SAMD4B: variants seen among roughly 807,000 people sequenced by gnomAD.
SAMD4B encodes the protein sterile alpha motif domain containing 4B.
A neutral mutation model predicts 74.5 loss-of-function variants in SAMD4B; 5 were observed. The ratio of observed to expected loss-of-function variants is 0.07; its 90% CI spans 0.04 to 0.14. The LOEUF is 0.14. SAMD4B is among the 10% of genes least tolerant of loss of function. The pLI, the probability that SAMD4B is intolerant of heterozygous loss-of-function variation, is 1.00. For synonymous variants in SAMD4B, 373 were observed against 374.9 expected (o/e 1.00, Z 0.06); for missense variants, 608 against 921.8 (o/e 0.66, Z 4.41).
chr19:39,378,858 C>G lies in SAMD4B; in HGVS notation c.1530+269C>G, dbSNP rs974785041. ...GGTGGAGCTTGTGGTGAGCCAAGATCGCGCCACTGCACTCCAGCCTGGACG... is the reference window on the plus strand; with the variant it reads ...GGTGGAGCTTGTGGTGAGCCAAGATGGCGCCACTGCACTCCAGCCTGGACG... On this transcript the variant is annotated intron_variant, in intron 9 of 13. Transcript: ENST00000610417. This position sits in a 1 kb window ranked among gnomAD's most constrained non-coding sequence, Gnocchi z 4.4. 1.3e-5 allele frequency among the ~76,000 whole-genome samples: 2 copies of G among 152,198 alleles called. No homozygotes were observed. The highest frequency in any genetic ancestry group is 4.8e-5 in the African/African-American group (2 of 41,452).
At chr19:39,388,027 G>A (rs980539485), downstream of SAMD4B, among the ~76,000 whole-genome samples, 1 of 152,194 alleles carries the variant, frequency 6.6e-6, no homozygotes, top group Non-Finnish European at 1.5e-5. Flanking sequence ...TGTGATGCCA[G>A]CTACTCAGGA....
chr19:39,388,976 C>G (rs2078313536), downstream of SAMD4B: 1 of 1,614,030 alleles, frequency 6.2e-7, no homozygotes, highest in Admixed American at 1.7e-5. Flanking sequence ...GGCATGACCT[C>G]CACCGGTGTG....
rs2077159819 is a variant in SAMD4B, at chr19:39,369,417, C to T, written c.197-238C>T. The T allele has an allele frequency of 7.5e-6, 4 of 535,982 alleles. 1 individual carries two copies. Among genetic ancestry groups the T allele is most frequent in the Non-Finnish European group, 1.3e-5 (4 of 299,048 alleles). 33.2% of individuals were successfully genotyped at this position (535,982 alleles called of 1,614,324 possible). A position where few individuals can be genotyped will look rare whatever the true frequency, so the allele number is the denominator to read the frequency against. ...GCACTTGTGAATAGCCACTGCACTG[C>T]AGCCTGGGCAACATAGTGAGACCCC... On this transcript the variant is annotated intron_variant, in intron 3 of 13. Transcript: ENST00000610417.
chr19:39,350,279 T>C (rs2075958531), intron 1 of SAMD4B: 1 of 151,912 alleles, frequency 6.6e-6, no homozygotes, highest in South Asian at 2.1e-4. Context: ...AGAAACAGAG[T>C]TACTTGTCAT....
In SAMD4B at chr19:39,369,821, G is replaced by A; in HGVS notation, c.363G>A (p.Glu121=). The A allele has an allele frequency of 6.2e-7, 1 of 1,614,264 alleles. No individual in the cohort carries two copies. The highest frequency in any genetic ancestry group is 8.5e-7 in the Non-Finnish European group (1 of 1,180,044). Residue 121 remains glutamate, a synonymous_variant, in exon 4 of 14, where the codon GAG becomes GAA. Transcript: ENST00000610417. ...YSIESNAFIE[E]SRQLLSYALI... The stretch of plus-strand genomic sequence containing the variant: ...TCGAGAGCAATGCTTTCATCGAGGA[G>A]AGTCGCCAGCTGCTTTCCTATGCCC...
chr19:39,373,119 C>G (rs2077403406), intron 4 of SAMD4B, among the ~76,000 whole-genome samples: 1 of 152,166 alleles, frequency 6.6e-6, no homozygotes, highest in Admixed American at 6.5e-5. Context: ...GGCAGGAACC[C>G]CAGCCTTTCC....
intron 1 of SAMD4B, chr19:39,352,441 A>C (rs1364511200): frequency 1.3e-5 from 2 of 149,220 alleles, no homozygotes; most frequent in African/African-American, 4.9e-5. Flanking sequence ...ATTTGAAAAT[A>C]GGGGGGGATT....
rs2077735745 is a variant in SAMD4B, at chr19:39,378,449, C to T, written c.1445-55C>T. The T allele has an allele frequency of 6.6e-7, 1 of 1,523,148 alleles. No homozygotes were observed. The highest frequency in any genetic ancestry group is 1.4e-5 in the African/African-American group (1 of 73,040). The allele number at this position is 1,523,148 out of a possible 1,614,324, so 94.4% of individuals were successfully genotyped here. A position where few individuals can be genotyped will look rare whatever the true frequency, so the allele number is the denominator to read the frequency against. ...TGCACGAGCCAGCTGGAGGCTGGAA[C>T]ATGGCAGAGGGCATACTAGGGGTTA... On this transcript the variant is annotated intron_variant, in intron 8 of 13. Transcript: ENST00000610417. This position sits in a 1 kb window ranked among gnomAD's most constrained non-coding sequence, Gnocchi z 4.4.
chr19:39,380,444 C>A (rs1307354065), intron 10 of SAMD4B, 143 bp from the exon 11 acceptor site: 3 of 852,732 alleles, frequency 3.5e-6, no homozygotes, highest in Non-Finnish European at 3.8e-6. Flanking sequence ...CCAGGGGGTA[C>A]CCTTGGGGCA....
chr19:39,389,221 T>G (rs1299500734), downstream of SAMD4B: 1 of 1,610,762 alleles, frequency 6.2e-7, no homozygotes, highest in Non-Finnish European at 8.5e-7. The surrounding 1 kb of genome is among the most constrained non-coding windows in gnomAD (Gnocchi z 5.3). Context: ...AAAAAGGTCC[T>G]TAGGGGCCAC....
intron 1 of SAMD4B, among the ~76,000 whole-genome samples, chr19:39,349,418 G>A (rs2075892482): frequency 1.3e-5 from 2 of 152,120 alleles, no homozygotes; most frequent in South Asian, 4.1e-4. Flanking sequence ...GTTTACCGGA[G>A]CTCCCCATAC....
At chr19:39,379,721 C>T (rs1212433753) in intron 9 of SAMD4B, among the ~76,000 whole-genome samples, 1 of 152,186 alleles carries the variant, frequency 6.6e-6, no homozygotes, top group Admixed American at 6.5e-5. Flanking sequence ...CAGACACACA[C>T]TACCATGCCT....
intron 1 of SAMD4B, chr19:39,348,156 C>T (rs1325314918): frequency 6.6e-6 from 1 of 152,160 alleles, no homozygotes; most frequent in African/African-American, 2.4e-5. Context: ...GAAAAAGGAC[C>T]TCTGCAAGGT....
chr19:39,370,983 G>A (rs927136918), intron 4 of SAMD4B, among the ~76,000 whole-genome samples: 5 of 152,238 alleles, frequency 3.3e-5, no homozygotes, highest in African/African-American at 1.2e-4. Flanking sequence ...ACACTGTCCT[G>A]CCAACTAAGC....
Position 39,356,971 on chromosome 19 carries a change from C to T in SAMD4B, c.78C>T (p.Leu26=), listed in dbSNP as rs1236480620. Residue 26 remains leucine (L), a synonymous_variant, in exon 3 of 14, where the codon CTC becomes CTT. Transcript: ENST00000610417. ...GWNECEQTVA[L]LSLLKRVTRT... is the part of the protein sequence containing the mutation. The stretch of plus-strand genomic sequence containing the variant: ...ATGAGTGTGAGCAGACAGTGGCCCT[C>T]CTGTCACTTCTGAAACGGGTCACCC... 6.2e-7 allele frequency: 1 copy of T among 1,614,030 alleles called. No individual in the cohort carries two copies. Among genetic ancestry groups the T allele is most frequent in the Admixed American group, 1.7e-5 (1 of 60,002 alleles).
At position 39,380,131 on chromosome 19, in the gene SAMD4B, G is replaced by A. The variant is rs1049687407; in HGVS notation, c.1649+47G>A. ...AGGGACCTGCCCTCCATAGGCCTTT[G>A]CTGGTTAGCAGATCGTGCTTAGAGG... is the stretch of plus-strand genomic sequence containing the variant. On this transcript the variant is annotated intron_variant, in intron 10 of 13. Transcript: ENST00000610417. 4 of 1,450,836 alleles carry A rather than the reference G, an allele frequency of 2.8e-6. No individual in the cohort carries two copies. The African/African-American group carries it at 4.2e-5, about 15-fold the overall frequency. The allele number at this position is 1,450,836 out of a possible 1,614,324, so 89.9% of individuals were successfully genotyped here. A position where few individuals can be genotyped will look rare whatever the true frequency, so the allele number is the denominator to read the frequency against.
At position 39,356,838 on chromosome 19, in the gene SAMD4B, G is replaced by A; in HGVS notation, c.-56G>A. On this transcript the variant is annotated 5_prime_UTR_variant, in exon 3 of 14. The change abolishes the stop of an existing upstream ORF in the 5' untranslated region. Coordinates refer to ENST00000610417, the MANE Select transcript of SAMD4B (RefSeq NM_001384574.2). ...CAGGAGGCCAGAGCCGGGACCATGT[G>A]ACGGCGCTGGCCCTCGCCACCGCCG... The A allele has an allele frequency of 6.9e-7, 1 of 1,457,942 alleles. No homozygotes were observed. Among genetic ancestry groups the A allele is most frequent in the Non-Finnish European group, 9.3e-7 (1 of 1,074,386 alleles). The allele number at this position is 1,457,942 out of a possible 1,614,324, so 90.3% of individuals were successfully genotyped here. A position where few individuals can be genotyped will look rare whatever the true frequency, so the allele number is the denominator to read the frequency against.
rs1428301314 is a variant in SAMD4B at position 39,383,048 on chromosome 19, T to C, written c.1973-160T>C. On this transcript the variant is annotated intron_variant, in intron 12 of 13. Transcript: ENST00000610417. This position sits in a 1 kb window ranked among gnomAD's most constrained non-coding sequence, Gnocchi z 4.1. ...GCCATTGTCTCCTCTGCCTGTTGTG[T>C]GACACGCTCGCCTCTCTCCCTGTCC... Among the ~76,000 whole-genome samples, 2 of 152,158 alleles carry C rather than the reference T, an allele frequency of 1.3e-5. No individual in the cohort carries two copies. Among genetic ancestry groups the C allele is most frequent in the Non-Finnish European group, 2.9e-5 (2 of 68,018 alleles).
Position 39,383,544 on chromosome 19 carries a change from G to A in SAMD4B, c.*17G>A, listed in dbSNP as rs376021198. On this transcript the variant is annotated 3_prime_UTR_variant, in exon 14 of 14. Transcript: ENST00000610417. This position sits in a 1 kb window ranked among gnomAD's most constrained non-coding sequence, Gnocchi z 4.1. ...ACCATCTGACGGGACCCACAGCCCA[G>A]CGCACCCATAGGCTCCCTGGGCGGC... The A allele has an allele frequency of 6.2e-7, 1 of 1,614,254 alleles. No individual in the cohort carries two copies.
Sources: gnomAD v4.1 joint callset for allele counts (sites outside exome capture counted in the v4.1 genomes callset) on GRCh38, gnomAD v4.1.1 for gene constraint, Gnocchi (gnomAD v3.1) non-coding constraint, MANE v1.5 for transcripts, NCBI Gene and HGNC (gene_info 2026-07-23, HGNC 2026-07-21) for gene names.